RORA: variants seen among roughly 807,000 people sequenced by gnomAD.
RORA encodes the protein nuclear receptor ROR-alpha.
In RORA, 7 loss-of-function variants were observed where a neutral mutation model predicts 69.5. The ratio of observed to expected loss-of-function variants is 0.10; its 90% confidence interval spans 0.06 to 0.19. The LOEUF (loss-of-function observed/expected upper bound fraction) is 0.19. Ranked by LOEUF, RORA falls within the 10% of genes least tolerant of loss-of-function variation. The pLI is 1.00. For synonymous variants in RORA, 261 were observed against 240.8 expected (o/e 1.08, Z -0.78); for missense variants, 457 against 663.0 (o/e 0.69, Z 3.41).
chr15:60,933,106 C>T (rs1227986580), intron 1 of RORA, among the ~76,000 whole-genome samples: 1 of 152,162 alleles, frequency 6.6e-6, no homozygotes, highest in East Asian at 1.9e-4. Context: ...AAGTCTCCTA[C>T]TGTGGGCCTC....
At chr15:60,695,312 T>G (rs2070886148) in intron 1 of RORA, among the ~76,000 whole-genome samples, 1 of 152,204 alleles carries the variant, frequency 6.6e-6, no homozygotes. Flanking sequence ...CTACACTAAC[T>G]TAGCCCAACC....
At chr15:61,054,802 G>A (rs1032579903) in intron 1 of RORA, among the ~76,000 whole-genome samples, 1 of 147,584 alleles carries the variant, frequency 6.8e-6, no homozygotes, top group Non-Finnish European at 1.5e-5. Flanking sequence ...ATTTAAAACA[G>A]TTTTTTTTTG....
chr15:61,184,842 G>A (rs1489735860), intron 1 of RORA, among the ~76,000 whole-genome samples: 1 of 151,866 alleles, frequency 6.6e-6, no homozygotes, highest in Non-Finnish European at 1.5e-5. Context: ...AAAATTGGCT[G>A]GGCATGGTGG....
intron 2 of RORA, among the ~76,000 whole-genome samples, chr15:60,599,183 C>G (rs1054217102): frequency 5.9e-5 from 9 of 152,126 alleles, no homozygotes; most frequent in Admixed American, 5.2e-4. Context: ...TGAGCTAGAC[C>G]TTGAAGGCCA....
At chr15:60,891,840 C>G (rs2073815972) in intron 1 of RORA, among the ~76,000 whole-genome samples, 1 of 152,184 alleles carries the variant, frequency 6.6e-6, no homozygotes, top group African/African-American at 2.4e-5. Context: ...AAAAATGTAT[C>G]TCATTTTCCA....
intron 1 of RORA, among the ~76,000 whole-genome samples, chr15:60,947,688 TA>T (rs35887206): frequency 2.5e-3 from 259 of 102,914 alleles, no homozygotes; most frequent in African/African-American, 9.6e-3. Flanking sequence ...GAATGATCAA[TA>T]AAAAAAAAAA....
intron 1 of RORA, among the ~76,000 whole-genome samples, chr15:60,958,239 A>G (rs568449932): frequency 6.6e-6 from 1 of 152,332 alleles, no homozygotes; most frequent in African/African-American, 2.4e-5. Flanking sequence ...ATATTGGATT[A>G]AACACCAGAT....
chr15:60,551,901 C>T (rs929626388), intron 2 of RORA, among the ~76,000 whole-genome samples: 5 of 152,236 alleles, frequency 3.3e-5, no homozygotes, highest in African/African-American at 1.2e-4. Context: ...ATCCCAACCT[C>T]CTCATTTCAC....
At chr15:60,943,862 C>T (rs183672280) in intron 1 of RORA, among the ~76,000 whole-genome samples, 20 of 129,192 alleles carry the variant, frequency 1.5e-4, no homozygotes, top group African/African-American at 4.8e-4. Context: ...GTTGCAGTGA[C>T]CCGAGATCAT....
intron 1 of RORA, among the ~76,000 whole-genome samples, chr15:61,093,186 A>T (rs2078734425): frequency 6.6e-6 from 1 of 152,232 alleles, no homozygotes; most frequent in South Asian, 2.1e-4. Flanking sequence ...AGATAAGGAA[A>T]CAAAAAAAGG....
Position 60,775,453 on chromosome 15 carries a change from C to T in RORA, c.167-96767G>A, listed in dbSNP as rs923385302. Among the ~76,000 whole-genome samples the T allele has an allele frequency of 4.6e-5, 7 of 152,314 alleles. No individual in the cohort carries two copies. In the East Asian group the frequency reaches 5.8e-4, roughly 13 times the overall value. On this transcript the variant is annotated intron_variant, in intron 1 of 10. Transcript: ENST00000335670. Reference sequence around the variant, plus strand: ...TCCTATGGAGACACTACAATTAACACGTTCCTTTTTCTCTTTATAAAAACT... The same window carrying T: ...TCCTATGGAGACACTACAATTAACATGTTCCTTTTTCTCTTTATAAAAACT...
chr15:60,947,220 A>G (rs974872121), intron 1 of RORA, among the ~76,000 whole-genome samples: 19 of 152,226 alleles, frequency 1.2e-4, no homozygotes, highest in Non-Finnish European at 2.2e-4. Context: ...AGAACGGGCC[A>G]TGATGACGAT....
intron 1 of RORA, among the ~76,000 whole-genome samples, chr15:60,763,065 ATTTTTTTTTTT>A (rs374433414): frequency 2.7e-4 from 13 of 48,374 alleles, no homozygotes; most frequent in African/African-American, 5.7e-4. Context: ...ATATGCACAG[ATTTTTTTTTTT>A]TTTTTTTTTT....
intron 1 of RORA, among the ~76,000 whole-genome samples, chr15:60,827,379 T>C (rs1210600358): frequency 6.6e-6 from 1 of 152,212 alleles, no homozygotes; most frequent in African/African-American, 2.4e-5. Flanking sequence ...GCTAAGAAAA[T>C]GTCTGGCACG....
intron 2 of RORA, chr15:60,677,067 A>T (rs2070564875): frequency 2.4e-6 from 1 of 412,814 alleles, no homozygotes; most frequent in Admixed American, 2.5e-5. Flanking sequence ...CATACCCCAA[A>T]CCACCATAAA....
chr15:60,889,439 C>A (rs2073789619), intron 1 of RORA, among the ~76,000 whole-genome samples: 1 of 152,216 alleles, frequency 6.6e-6, no homozygotes. Flanking sequence ...CCTCTCAGAA[C>A]CCTGGTGAAT....
chr15:60,664,260 A>G (rs79615738), intron 2 of RORA, among the ~76,000 whole-genome samples: 1 of 152,294 alleles, frequency 6.6e-6, no homozygotes, highest in Non-Finnish European at 1.5e-5. Flanking sequence ...GTGTGGGAGC[A>G]GGAGGAGAGG....
At chr15:60,657,421 T>C (rs1012170208) in intron 2 of RORA, among the ~76,000 whole-genome samples, 8 of 152,116 alleles carry the variant, frequency 5.3e-5, no homozygotes, top group Non-Finnish European at 8.8e-5. Flanking sequence ...ACAAACCATA[T>C]TTCTATGAAC....
chr15:60,783,573 G>T (rs2072293173), intron 1 of RORA, among the ~76,000 whole-genome samples: 1 of 152,212 alleles, frequency 6.6e-6, no homozygotes, highest in African/African-American at 2.4e-5. Flanking sequence ...GGGTCACCAA[G>T]ATCACGCTGG....
Sources: allele counts gnomAD v4.1 joint callset (sites outside exome capture counted in the v4.1 genomes callset), GRCh38; gene constraint gnomAD v4.1.1; transcripts MANE v1.5; gene names NCBI Gene and HGNC (gene_info 2026-07-23, HGNC 2026-07-21).